ERBB4: variants seen among roughly 807,000 people sequenced by gnomAD.
ERBB4 encodes receptor tyrosine-protein kinase erbB-4.
Under a neutral mutation model 158.0 loss-of-function variants are expected in ERBB4, and 42 were observed. The observed-to-expected ratio is 0.27, with a 90% CI of 0.21 to 0.34. The LOEUF (loss-of-function observed/expected upper bound fraction) is 0.34. Among genes scored for constraint, ERBB4 ranks in the 10% least tolerant of loss-of-function variants. ERBB4 has a pLI of 1.00. For synonymous variants in ERBB4, 583 were observed against 558.7 expected, an observed-to-expected ratio of 1.04 and a Z score of -0.61; for missense variants, 1,333 against 1,624.1, an observed-to-expected ratio of 0.82 and a Z score of 3.08.
At chr2:211,623,188 G>T (rs543157787) in intron 18 of ERBB4, among the ~76,000 whole-genome samples, 20 of 150,730 alleles carry the variant, frequency 1.3e-4, no homozygotes, top group Non-Finnish European at 2.5e-4. Context: ...CCTCTGAATT[G>T]GTCCTGTAAT....
chr2:212,355,795 T>C (rs1486811833), intron 1 of ERBB4, among the ~76,000 whole-genome samples: 1 of 151,990 alleles, frequency 6.6e-6, no homozygotes, highest in Non-Finnish European at 1.5e-5. Flanking sequence ...TATGCATGTA[T>C]GTATATATGT....
chr2:211,526,470 A>T (rs1371651283), intron 20 of ERBB4, among the ~76,000 whole-genome samples: 1 of 152,144 alleles, frequency 6.6e-6, no homozygotes, highest in Non-Finnish European at 1.5e-5. Context: ...TACAACAGTC[A>T]TGTCCTTGTG....
At chr2:212,303,319 A>G (rs1488281736) in intron 1 of ERBB4, among the ~76,000 whole-genome samples, 2 of 151,362 alleles carry the variant, frequency 1.3e-5, no homozygotes, top group African/African-American at 2.4e-5. Flanking sequence ...AAACACTCCA[A>G]TTATGTATAT....
At chr2:211,700,360 A>G (rs984301546) in intron 12 of ERBB4, among the ~76,000 whole-genome samples, 2 of 152,230 alleles carry the variant, frequency 1.3e-5, no homozygotes, top group Admixed American at 1.3e-4. Flanking sequence ...ATATCATTCA[A>G]TATAACATGC....
intron 1 of ERBB4, among the ~76,000 whole-genome samples, chr2:212,400,931 A>G (rs1343455321): frequency 6.6e-6 from 1 of 152,198 alleles, no homozygotes. Context: ...TATATAGTAC[A>G]ACCTAAAAGA....
At chr2:212,224,467 A>AT (rs1213062731) in intron 1 of ERBB4, among the ~76,000 whole-genome samples, 2 of 152,022 alleles carry the variant, frequency 1.3e-5, no homozygotes, top group African/African-American at 4.8e-5. Flanking sequence ...ATAAATAAAA[A>AT]TGAAACCCAA....
At chr2:212,378,469 G>A (rs1276831209) in intron 1 of ERBB4, among the ~76,000 whole-genome samples, 3 of 151,798 alleles carry the variant, frequency 2.0e-5, no homozygotes, top group Non-Finnish European at 4.4e-5. Context: ...ACTTTCTTAT[G>A]TATGATATAG....
intron 1 of ERBB4, among the ~76,000 whole-genome samples, chr2:212,435,753 A>T (rs1223545647): frequency 6.6e-6 from 1 of 151,992 alleles, no homozygotes; most frequent in Non-Finnish European, 1.5e-5. Context: ...TTAGATAAGA[A>T]AACATAGTCT....
chr2:212,043,471 G>A (rs1335351575), intron 2 of ERBB4, among the ~76,000 whole-genome samples: 1 of 152,118 alleles, frequency 6.6e-6, no homozygotes, highest in Non-Finnish European at 1.5e-5. Context: ...TTGGTCTACT[G>A]ACAGATATTA....
intron 2 of ERBB4, among the ~76,000 whole-genome samples, chr2:212,088,545 A>G (rs1238130433): frequency 1.3e-5 from 2 of 152,114 alleles, no homozygotes; most frequent in Non-Finnish European, 2.9e-5. Flanking sequence ...TAAACTTTAG[A>G]GATGAAATTC....
chr2:211,797,698 T>A (rs2076411304), intron 3 of ERBB4, among the ~76,000 whole-genome samples: 1 of 151,854 alleles, frequency 6.6e-6, no homozygotes, highest in African/African-American at 2.4e-5. Context: ...ATGTTAATTT[T>A]AAAAATAACA....
At chr2:212,422,500 A>AACAC (rs56308920) in intron 1 of ERBB4, among the ~76,000 whole-genome samples, 11,424 of 148,584 alleles carry the variant, frequency 0.077, 1,223 homozygotes, top group African/African-American at 0.24. Flanking sequence ...TTGGACTCAA[A>AACAC]ACACACACAC....
intron 1 of ERBB4, among the ~76,000 whole-genome samples, chr2:212,268,366 A>T (rs544050666): frequency 1.3e-5 from 2 of 151,950 alleles, no homozygotes; most frequent in Non-Finnish European, 1.5e-5. Flanking sequence ...AAAATCATAT[A>T]AAGTTCCTTG....
chr2:211,861,340 T>TTG (rs1559586722), intron 3 of ERBB4, among the ~76,000 whole-genome samples: 1 of 34,124 alleles, frequency 2.9e-5, no homozygotes, highest in African/African-American at 9.5e-5. Context: ...TTTTTTTTTG[T>TTG]TTTTTTTTTG....
rs528575668 is a variant in ERBB4 at position 211,632,386 on chromosome 2, T to TA, written c.1947-1793dup. Among the ~76,000 whole-genome samples, 266 of 152,198 alleles carry TA rather than the reference T, an allele frequency of 1.7e-3. 1 individual carries two copies. The highest frequency in any genetic ancestry group is 6.1e-3 in the African/African-American group (254 of 41,582). ...TAACATATCCCTGAAAAGTCACTGT[T>TA]ATTGAAAGGGTCATATTTTTGTTTT... is the stretch of plus-strand genomic sequence containing the variant. On this transcript the variant is annotated intron_variant, in intron 16 of 27. Transcript: ENST00000342788.
At chr2:211,437,632 C>T (rs1030376806) in intron 20 of ERBB4, among the ~76,000 whole-genome samples, 1 of 152,162 alleles carries the variant, frequency 6.6e-6, no homozygotes. Context: ...TTGCTTCTCA[C>T]ATATTGGCCA....
intron 13 of ERBB4, 120 bp from the exon 14 acceptor site, chr2:211,673,377 G>T (rs1193642309): frequency 9.5e-6 from 7 of 740,686 alleles, no homozygotes; most frequent in Non-Finnish European, 1.7e-5. Flanking sequence ...TTCTCTATGT[G>T]CCAGGAGCAT....
intron 1 of ERBB4, among the ~76,000 whole-genome samples, chr2:212,388,511 G>A (rs1341712962): frequency 6.6e-6 from 1 of 151,996 alleles, no homozygotes; most frequent in Non-Finnish European, 1.5e-5. Flanking sequence ...GGGCAGAGAG[G>A]AAATCTGAGC....
intron 1 of ERBB4, among the ~76,000 whole-genome samples, chr2:212,303,909 C>CAAAA (rs2086714143): frequency 6.6e-6 from 1 of 151,370 alleles, no homozygotes; most frequent in Admixed American, 6.6e-5. Flanking sequence ...AAAGTAGGAA[C>CAAAA]AATGGAAACA....
Sources: allele counts gnomAD v4.1 joint callset (sites outside exome capture counted in the v4.1 genomes callset), GRCh38; gene constraint gnomAD v4.1.1; transcripts MANE v1.5; gene names NCBI Gene and HGNC (gene_info 2026-07-23, HGNC 2026-07-21).